Variants in UVRAG observed in about 807,000 individuals in gnomAD.
The protein encoded by UVRAG is UV radiation resistance-associated gene protein.
A neutral mutation model predicts 78.0 loss-of-function variants in UVRAG; 19 were observed. That is an observed-to-expected ratio of 0.24 (90% CI 0.17 to 0.36). UVRAG has a LOEUF of 0.36. Among genes scored for constraint, UVRAG ranks in the 10% least tolerant of loss-of-function variants. The pLI is 1.00. For synonymous variants in UVRAG, 323 were observed against 324.6 expected (o/e 1.00, Z 0.05); for missense variants, 740 against 853.8 (o/e 0.87, Z 1.66).
At position 75,828,960 on chromosome 11, in the gene UVRAG, A is replaced by G. The variant is rs560659888; in HGVS notation, c.117+13436A>G. 1.5e-3 allele frequency among the ~76,000 whole-genome samples: 222 copies of G among 151,912 alleles called. 3 individuals carry two copies. Among genetic ancestry groups the G allele is most frequent in the African/African-American group, 4.8e-3 (199 of 41,442 alleles). On this transcript the variant is annotated intron_variant, in intron 1 of 14. Transcript: ENST00000356136. ...GGTCTCAAACTCCTGAGCTCAAGCA[A>G]TCCGCCCACCTTGGCCTCCCAAAGT...
At chr11:75,941,652 C>T (rs1948486814) in intron 6 of UVRAG, among the ~76,000 whole-genome samples, 1 of 152,068 alleles carries the variant, frequency 6.6e-6, no homozygotes, top group Non-Finnish European at 1.5e-5. Context: ...ACCTGTATCA[C>T]CATATCTGAC....
chr11:76,060,916 G>A (rs1443824203), intron 12 of UVRAG, among the ~76,000 whole-genome samples: 4 of 152,250 alleles, frequency 2.6e-5, no homozygotes, highest in African/African-American at 9.6e-5. Context: ...ATGGCGCCCA[G>A]TGCCATCGAA....
At chr11:75,996,955 A>G (rs913750959) in intron 8 of UVRAG, among the ~76,000 whole-genome samples, 4 of 152,190 alleles carry the variant, frequency 2.6e-5, no homozygotes, top group African/African-American at 9.6e-5. Flanking sequence ...GCCTGTTAAT[A>G]AGGAAGCCTA....
intron 1 of UVRAG, among the ~76,000 whole-genome samples, chr11:75,845,557 C>G (rs1396012738): frequency 6.6e-6 from 1 of 152,144 alleles, no homozygotes; most frequent in Non-Finnish European, 1.5e-5. Flanking sequence ...ATTCTATTAT[C>G]CTAAGTGAAT....
At chr11:75,834,381 C>CT (rs113851834) in intron 1 of UVRAG, among the ~76,000 whole-genome samples, 3,992 of 152,192 alleles carry the variant, frequency 0.026, 165 homozygotes, top group African/African-American at 0.087. Context: ...GGTATCACTT[C>CT]TGGATGTTCA....
At chr11:75,990,536 C>T (rs533495342) in intron 8 of UVRAG, among the ~76,000 whole-genome samples, 1 of 152,280 alleles carries the variant, frequency 6.6e-6, no homozygotes, top group African/African-American at 2.4e-5. Context: ...AGATAAAAGT[C>T]TCAGCCCAAG....
intron 13 of UVRAG, among the ~76,000 whole-genome samples, chr11:76,079,798 C>A (rs1208048648): frequency 6.6e-6 from 1 of 152,120 alleles, no homozygotes; most frequent in African/African-American, 2.4e-5. Flanking sequence ...GGAAATAATT[C>A]TAACTTCCTG....
chr11:75,920,517 G>A (rs897413742), intron 6 of UVRAG, among the ~76,000 whole-genome samples: 1 of 152,082 alleles, frequency 6.6e-6, no homozygotes, highest in Middle Eastern at 3.2e-3. Context: ...AAATACGGGA[G>A]TAATTATAGG....
At chr11:75,906,507 C>T (rs1335184366) in intron 5 of UVRAG, among the ~76,000 whole-genome samples, 1 of 152,024 alleles carries the variant, frequency 6.6e-6, no homozygotes, top group Non-Finnish European at 1.5e-5. Context: ...GCCATCATGC[C>T]TGGCTAATTT....
At chr11:76,097,086 G>A (rs553584007) in intron 13 of UVRAG, among the ~76,000 whole-genome samples, 4 of 152,268 alleles carry the variant, frequency 2.6e-5, no homozygotes, top group South Asian at 4.2e-4. Flanking sequence ...GAGGTGGAGA[G>A]TAGAATAGGA....
In UVRAG at chr11:75,832,778, C is replaced by T. The variant is rs368231859; in HGVS notation, c.117+17254C>T. ...GCCCTGAAGCTCTCTGAGGGACTCC[C>T]AGCCACCAGTTATCTCATTAGCATG... On this transcript the variant is annotated intron_variant, in intron 1 of 14. Coordinates refer to ENST00000356136, the MANE Select transcript of UVRAG (RefSeq NM_003369.4). Among the ~76,000 whole-genome samples the T allele has an allele frequency of 2.6e-5, 4 of 152,320 alleles. No individual in the cohort carries two copies. In the East Asian group the frequency reaches 5.8e-4, roughly 22 times the overall value.
At chr11:76,119,930 T>C (rs571935281) in intron 14 of UVRAG, among the ~76,000 whole-genome samples, 1 of 152,360 alleles carries the variant, frequency 6.6e-6, no homozygotes, top group East Asian at 1.9e-4. Context: ...CTCTGCCTCA[T>C]CTGATACCAC....
At chr11:75,902,008 T>TA (rs1947514301) in intron 5 of UVRAG, among the ~76,000 whole-genome samples, 1 of 152,216 alleles carries the variant, frequency 6.6e-6, no homozygotes, top group Non-Finnish European at 1.5e-5. Flanking sequence ...TTACCTCTCT[T>TA]ACCTGCTACA....
chr11:76,136,601 G>A (rs942451869), intron 14 of UVRAG, among the ~76,000 whole-genome samples: 7 of 149,204 alleles, frequency 4.7e-5, no homozygotes, highest in Non-Finnish European at 8.9e-5. Context: ...CCAGGCTCAC[G>A]CAATCCTCCC....
intron 1 of UVRAG, among the ~76,000 whole-genome samples, chr11:75,834,120 T>G (rs11236552): frequency 0.12 from 18,001 of 152,218 alleles, 1,198 homozygotes; most frequent in East Asian, 0.23. Context: ...TTATAGAAAT[T>G]TTCCTCCTCC....
intron 6 of UVRAG, among the ~76,000 whole-genome samples, chr11:75,920,507 A>C (rs1181256309): frequency 6.6e-6 from 1 of 152,154 alleles, no homozygotes; most frequent in Non-Finnish European, 1.5e-5. Flanking sequence ...GATTTAAGCA[A>C]AATACGGGAG....
intron 2 of UVRAG, among the ~76,000 whole-genome samples, chr11:75,854,251 C>T (rs1387833379): frequency 6.6e-6 from 1 of 152,166 alleles, no homozygotes; most frequent in Non-Finnish European, 1.5e-5. Context: ...CTCAGGTATG[C>T]AGGTTCCTTC....
intron 3 of UVRAG, among the ~76,000 whole-genome samples, chr11:75,879,375 C>G (rs1041286610): frequency 4.6e-5 from 7 of 152,184 alleles, no homozygotes; most frequent in African/African-American, 1.7e-4. Context: ...CTGGTGAAAG[C>G]CCACTTATCT....
intron 13 of UVRAG, among the ~76,000 whole-genome samples, chr11:76,093,684 C>A (rs1026907607): frequency 6.6e-6 from 1 of 152,094 alleles, no homozygotes; most frequent in Non-Finnish European, 1.5e-5. Flanking sequence ...TATAAGAATT[C>A]TTGTGATTTT....
Sources: gnomAD v4.1 joint callset for allele counts (sites outside exome capture counted in the v4.1 genomes callset) on GRCh38, gnomAD v4.1.1 for gene constraint, MANE v1.5 for transcripts, NCBI Gene and HGNC (gene_info 2026-07-23, HGNC 2026-07-21) for gene names.